STK32B: variants seen among roughly 807,000 people sequenced by gnomAD.
The protein encoded by STK32B is serine/threonine kinase 32B.
In STK32B, 43 loss-of-function variants were observed where a neutral mutation model predicts 52.6. The observed-to-expected ratio is 0.82, with a 90% CI of 0.64 to 1.05. STK32B has a LOEUF of 1.05. Among genes scored for constraint, STK32B ranks in the 50% least tolerant of loss-of-function variants. The pLI is 0.00. For missense variants in STK32B, 621 were observed against 534.6 expected (o/e 1.16, Z -1.59); for synonymous variants, 238 against 204.3 (o/e 1.17, Z -1.41).
chr4:5,374,385 G>A (rs537815497), intron 4 of STK32B, among the ~76,000 whole-genome samples: 2 of 152,276 alleles, frequency 1.3e-5, no homozygotes, highest in Admixed American at 6.5e-5. Context: ...TCAAAAAGAC[G>A]CTTCACATCA....
At chr4:5,171,789 G>T (rs1267044850) in intron 3 of STK32B, among the ~76,000 whole-genome samples, 2 of 149,502 alleles carry the variant, frequency 1.3e-5, no homozygotes, top group African/African-American at 4.9e-5. Context: ...TTGGCAATGT[G>T]GGCTCTGTTT....
rs1229025769 is a variant in STK32B, at chr4:5,442,935, C to T, written c.563-3738C>T. Reference sequence around the variant, plus strand: ...TTTAAGAATGTTGAATATTGGCCCCCACTCTCTTCTGGCTTGTAGGGTGTC... The same window carrying T: ...TTTAAGAATGTTGAATATTGGCCCCTACTCTCTTCTGGCTTGTAGGGTGTC... On this transcript the variant is annotated intron_variant, in intron 6 of 11. Transcript: ENST00000282908. Among the ~76,000 whole-genome samples the T allele has an allele frequency of 2.6e-5, 4 of 151,928 alleles. No individual in the cohort carries two copies. The East Asian group carries it at 5.8e-4, about 22-fold the overall frequency.
chr4:5,443,839 G>A (rs960520348), intron 6 of STK32B, among the ~76,000 whole-genome samples: 2 of 152,250 alleles, frequency 1.3e-5, no homozygotes, highest in African/African-American at 4.8e-5. Flanking sequence ...CTCAGCTGCA[G>A]GTCTGTTGGA....
intron 4 of STK32B, among the ~76,000 whole-genome samples, chr4:5,350,182 C>G (rs949258981): frequency 6.6e-6 from 1 of 151,052 alleles, no homozygotes; most frequent in Non-Finnish European, 1.5e-5. Context: ...GTCAAAATGT[C>G]AAAAGTCAAA....
chr4:5,072,658 T>G lies in STK32B; in HGVS notation c.52+20743T>G, dbSNP rs1034272523. On this transcript the variant is annotated intron_variant, in intron 1 of 11. Coordinates refer to ENST00000282908, the MANE Select transcript of STK32B (RefSeq NM_018401.3). ...TTATTCAGACTTATAACTCAGCATT[T>G]GATCTACCTTGGTAAACATGCCATC... Among the ~76,000 whole-genome samples, 4 of 152,202 alleles carry G rather than the reference T, an allele frequency of 2.6e-5. No individual in the cohort carries two copies. The East Asian group carries it at 7.7e-4, about 29-fold the overall frequency.
At chr4:5,262,640 A>G (rs1448539384) in intron 3 of STK32B, among the ~76,000 whole-genome samples, 1 of 141,080 alleles carries the variant, frequency 7.1e-6, no homozygotes, top group Non-Finnish European at 1.5e-5. Context: ...AAAAAAAAAA[A>G]TGGCAGTGTG....
At chr4:5,202,569 G>A (rs1291882519) in intron 3 of STK32B, among the ~76,000 whole-genome samples, 1 of 152,248 alleles carries the variant, frequency 6.6e-6, no homozygotes, top group East Asian at 1.9e-4. Flanking sequence ...CCTAGTAGAG[G>A]TTCTCCATGA....
chr4:5,249,812 T>C (rs934565349), intron 3 of STK32B, among the ~76,000 whole-genome samples: 1 of 152,144 alleles, frequency 6.6e-6, no homozygotes, highest in African/African-American at 2.4e-5. Flanking sequence ...GTTTGTTATA[T>C]AGGTAAATTG....
intron 9 of STK32B, among the ~76,000 whole-genome samples, chr4:5,461,799 TG>T (rs1405840337): frequency 6.6e-6 from 1 of 152,216 alleles, no homozygotes; most frequent in Non-Finnish European, 1.5e-5. Flanking sequence ...TCCCACTGCC[TG>T]GACCTCCTTC....
At chr4:5,054,327 G>A (rs1445683473) in intron 1 of STK32B, among the ~76,000 whole-genome samples, 1 of 152,144 alleles carries the variant, frequency 6.6e-6, no homozygotes, top group Non-Finnish European at 1.5e-5. Context: ...TGATATCCTG[G>A]AGGAGGGTCC....
intron 8 of STK32B, among the ~76,000 whole-genome samples, chr4:5,459,294 C>A (rs911511450): frequency 7.8e-6 from 1 of 128,838 alleles, no homozygotes; most frequent in South Asian, 2.7e-4. Context: ...CCCCCCCCCC[C>A]ACCTTTCTAA....
intron 4 of STK32B, among the ~76,000 whole-genome samples, chr4:5,393,734 C>G (rs998042536): frequency 2.0e-5 from 3 of 152,090 alleles, no homozygotes; most frequent in Non-Finnish European, 4.4e-5. Context: ...CCTACCAGGC[C>G]CCTCCTCCAA....
At chr4:5,440,615 A>G (rs1410066833) in intron 6 of STK32B, among the ~76,000 whole-genome samples, 5 of 152,140 alleles carry the variant, frequency 3.3e-5, no homozygotes, top group East Asian at 1.9e-4. Context: ...CTGCCTAATT[A>G]CCCTGGCCAG....
At chr4:5,328,962 C>T (rs1732051485) in intron 3 of STK32B, among the ~76,000 whole-genome samples, 1 of 152,168 alleles carries the variant, frequency 6.6e-6, no homozygotes, top group Non-Finnish European at 1.5e-5. Flanking sequence ...AATCCCAACA[C>T]TTTGGGAGGC....
intron 4 of STK32B, among the ~76,000 whole-genome samples, chr4:5,368,009 G>A (rs1734988374): frequency 6.6e-6 from 1 of 152,076 alleles, no homozygotes; most frequent in Admixed American, 6.5e-5. Flanking sequence ...TGAGTGTGGA[G>A]GTCAGGGTCT....
chr4:5,164,144 C>T (rs949746330), intron 2 of STK32B, among the ~76,000 whole-genome samples: 1 of 152,186 alleles, frequency 6.6e-6, no homozygotes, highest in African/African-American at 2.4e-5. Flanking sequence ...TAGCTTAAAA[C>T]AGTGGAAATT....
At chr4:5,149,765 G>C (rs1717194402) in intron 2 of STK32B, among the ~76,000 whole-genome samples, 1 of 151,564 alleles carries the variant, frequency 6.6e-6, no homozygotes, top group Non-Finnish European at 1.5e-5. Context: ...ATTGCTATTA[G>C]GTGTAAGATT....
chr4:5,308,085 C>G (rs968339650), intron 3 of STK32B, among the ~76,000 whole-genome samples: 11 of 152,040 alleles, frequency 7.2e-5, no homozygotes, highest in African/African-American at 2.7e-4. Context: ...GTTAAGTGTG[C>G]TGGTTTTGTG....
At position 5,075,031 on chromosome 4, in the gene STK32B, T is replaced by C. The variant is rs115932535; in HGVS notation, c.52+23116T>C. On this transcript the variant is annotated intron_variant, in intron 1 of 11. Transcript: ENST00000282908. ...TTCACCCATTGTTACACTGGGCTCC[T>C]TGGAGTTTCACCCCATTCATGCCCA... Among the ~76,000 whole-genome samples the C allele has an allele frequency of 6.8e-3, 1,037 of 152,302 alleles. 3 individuals are homozygous for C. The highest frequency in any genetic ancestry group is 0.011 in the Non-Finnish European group (770 of 68,026).
Sources: allele counts gnomAD v4.1 joint callset (sites outside exome capture counted in the v4.1 genomes callset), GRCh38; gene constraint gnomAD v4.1.1; transcripts MANE v1.5; gene names NCBI Gene and HGNC (gene_info 2026-07-23, HGNC 2026-07-21).